The following PHLDB2 variants were observed in gnomAD, a reference collection of about 807,000 sequenced individuals.
PHLDB2 encodes the protein pleckstrin homology like domain family B member 2, also known as pleckstrin homology-like domain family B member 2.
PHLDB2 carries 71 observed loss-of-function variants against 123.6 expected under a neutral mutation model. That is an observed-to-expected ratio of 0.57 (90% confidence interval 0.47 to 0.70). The LOEUF (loss-of-function observed/expected upper bound fraction) is 0.70, where lower values mean the gene tolerates loss of function less well. Among genes scored for constraint, PHLDB2 ranks in the 30% least tolerant of loss-of-function variants. The pLI, the probability that PHLDB2 is intolerant of heterozygous loss-of-function variation, is 0.00. For missense variants in PHLDB2, 1,446 were observed against 1,519.5 expected, an observed-to-expected ratio of 0.95 and a Z score of 0.80; for synonymous variants, 547 against 541.6, an observed-to-expected ratio of 1.01 and a Z score of -0.14.
At chr3:111,780,278 AAG>A (rs1559826980) in intron 1 of PHLDB2, among the ~76,000 whole-genome samples, 45 of 3,186 alleles carry the variant, frequency 0.014, 10 homozygotes, top group Admixed American at 0.029. Context: ...AGAAAAGAAG[AAG>A]AAGAAGAAGA....
rs140700505 is a variant in PHLDB2, at chr3:111,769,360, T to G, written c.-49+36657T>G. Among the ~76,000 whole-genome samples the G allele has an allele frequency of 3.3e-3, 497 of 152,306 alleles. 5 individuals carry two copies. The highest frequency in any genetic ancestry group is 0.011 in the African/African-American group (461 of 41,566). ...AAGTCCAAGTAAATATTCTCACTTGTGTCCAAACCCTTGCTTGGCAGCTCT... is the reference window on the plus strand; with the variant it reads ...AAGTCCAAGTAAATATTCTCACTTGGGTCCAAACCCTTGCTTGGCAGCTCT... On this transcript the variant is annotated intron_variant, in intron 1 of 17. Coordinates refer to the PHLDB2 transcript ENST00000393923.
At chr3:111,734,088 C>G (rs910692900) in intron 1 of PHLDB2, among the ~76,000 whole-genome samples, 2 of 152,132 alleles carry the variant, frequency 1.3e-5, no homozygotes, top group African/African-American at 4.8e-5. Flanking sequence ...GACATAAACC[C>G]TTGTGTGACT....
intron 1 of PHLDB2, among the ~76,000 whole-genome samples, chr3:111,834,244 AAT>A (rs2063279793): frequency 1.1e-5 from 1 of 87,070 alleles, no homozygotes; most frequent in African/African-American, 8.9e-5. Flanking sequence ...TATATAATAG[AAT>A]TATATATATA....
At chr3:111,753,202 T>C (rs1404916731) in intron 1 of PHLDB2, among the ~76,000 whole-genome samples, 3 of 148,058 alleles carry the variant, frequency 2.0e-5, no homozygotes, top group Non-Finnish European at 4.5e-5. Context: ...TTTCTAGTTC[T>C]AGATCCCTGA....
chr3:111,776,803 A>G (rs1375885552), intron 1 of PHLDB2, among the ~76,000 whole-genome samples: 1 of 152,162 alleles, frequency 6.6e-6, no homozygotes, highest in African/African-American at 2.4e-5. Context: ...AGTGGTATTT[A>G]TTATGCTTTC....
At position 111,899,458 on chromosome 3, in the gene PHLDB2, A is replaced by AT. The variant is rs199540104; in HGVS notation, c.1336-13853dup. Among the ~76,000 whole-genome samples the AT allele has an allele frequency of 9.9e-5, 15 of 152,082 alleles. No homozygotes were observed. In the East Asian group the frequency reaches 1.2e-3, roughly 12 times the overall value. ...CCCAAGCAGTAATATTTTTAAAGGA[A>AT]TTTTTTTTCCCCTGAGCAGTAGATC... is the stretch of plus-strand genomic sequence containing the variant. On this transcript the variant is annotated intron_variant, in intron 2 of 17. Transcript: ENST00000431670.
intron 5 of PHLDB2, among the ~76,000 whole-genome samples, chr3:111,920,881 C>G (rs2068460055): frequency 6.6e-6 from 1 of 152,218 alleles, no homozygotes; most frequent in African/African-American, 2.4e-5. Flanking sequence ...ATGAGAACCA[C>G]TCATCTCACC....
chr3:111,759,789 A>G (rs955772702), intron 1 of PHLDB2, among the ~76,000 whole-genome samples: 1 of 152,202 alleles, frequency 6.6e-6, no homozygotes, highest in Non-Finnish European at 1.5e-5. Context: ...AGCTTACAAG[A>G]GATGACGTCA....
upstream of PHLDB2, among the ~76,000 whole-genome samples, chr3:111,857,214 G>A (rs2064550980): frequency 1.3e-5 from 2 of 152,176 alleles, no homozygotes; most frequent in African/African-American, 4.8e-5. Flanking sequence ...CACTTAGGGT[G>A]GCGGAGGCAG....
At chr3:111,787,595 G>A (rs1294709329) in intron 1 of PHLDB2, among the ~76,000 whole-genome samples, 2 of 152,128 alleles carry the variant, frequency 1.3e-5, no homozygotes, top group African/African-American at 2.4e-5. Flanking sequence ...CATTTTCAAA[G>A]ACATGGTTGG....
intron 2 of PHLDB2, among the ~76,000 whole-genome samples, chr3:111,853,600 G>A (rs1366883574): frequency 3.3e-5 from 5 of 152,198 alleles, no homozygotes; most frequent in African/African-American, 1.2e-4. Flanking sequence ...GTTCAGCCAG[G>A]TGCGGTGGCT....
intron 1 of PHLDB2, among the ~76,000 whole-genome samples, chr3:111,795,556 G>A (rs2108227921): frequency 6.6e-6 from 1 of 152,282 alleles, no homozygotes; most frequent in Non-Finnish European, 1.5e-5. Flanking sequence ...AAGTAAGTAG[G>A]CTTTTGATAA....
At chr3:111,766,720 A>G (rs2060088434) in intron 1 of PHLDB2, among the ~76,000 whole-genome samples, 2 of 152,070 alleles carry the variant, frequency 1.3e-5, no homozygotes, top group African/African-American at 4.8e-5. Context: ...AGAGGCACTG[A>G]TATCCTTGTC....
intron 3 of PHLDB2, chr3:111,915,897 T>C (rs1339704379): frequency 6.6e-6 from 1 of 152,240 alleles, no homozygotes; most frequent in East Asian, 1.9e-4. Flanking sequence ...TCAGGCACAG[T>C]AAATGACCCA....
chr3:111,862,429 G>C (rs548033532), intron 1 of PHLDB2, among the ~76,000 whole-genome samples: 1 of 152,280 alleles, frequency 6.6e-6, no homozygotes, highest in African/African-American at 2.4e-5. Flanking sequence ...TGGGAGAGGG[G>C]TTTTGGCCCC....
chr3:111,851,579 G>T (rs1410992312), intron 2 of PHLDB2, among the ~76,000 whole-genome samples: 2 of 152,184 alleles, frequency 1.3e-5, no homozygotes, highest in Non-Finnish European at 2.9e-5. Context: ...AATACAGGAA[G>T]TAGAGTGCGG....
At chr3:111,890,597 T>C (rs962539997) in intron 2 of PHLDB2, among the ~76,000 whole-genome samples, 10 of 152,236 alleles carry the variant, frequency 6.6e-5, no homozygotes, top group Non-Finnish European at 1.3e-4. Flanking sequence ...GTAAAGCTGG[T>C]TCACTAAGCA....
At chr3:111,859,207 A>T, upstream of PHLDB2, 1 of 985,352 alleles carries the variant, frequency 1.0e-6, no homozygotes, top group Middle Eastern at 5.2e-4. Context: ...TCACCCTAGG[A>T]CGTAAACCCT....
chr3:111,885,802 G>T (rs547156588), intron 2 of PHLDB2: 2 of 568,938 alleles, frequency 3.5e-6, no homozygotes, highest in East Asian at 2.9e-5. Context: ...GTTATGAGAA[G>T]TAGTCAGTGA....
Sources: allele counts gnomAD v4.1 joint callset (sites outside exome capture counted in the v4.1 genomes callset), GRCh38; gene constraint gnomAD v4.1.1; transcripts MANE v1.5; gene names NCBI Gene and HGNC (gene_info 2026-07-23, HGNC 2026-07-21).